Variants in DHTKD1 observed in about 807,000 individuals in gnomAD.
DHTKD1 encodes the protein dehydrogenase E1 and transketolase domain containing 1.
In DHTKD1, 78 loss-of-function variants were observed where a neutral mutation model predicts 101.8. The observed-to-expected ratio is 0.77, with a 90% confidence interval of 0.64 to 0.93. The LOEUF is 0.93. Ranked by LOEUF, DHTKD1 falls within the 40% of genes least tolerant of loss-of-function variation. The pLI is 0.00. For missense variants in DHTKD1, 1,223 were observed against 1,161.7 expected, an observed-to-expected ratio of 1.05 and a Z score of -0.77; for synonymous variants, 462 against 450.3, an observed-to-expected ratio of 1.03 and a Z score of -0.33.
At chr10:12,071,051 A>C (rs1248617079) in intron 1 of DHTKD1, among the ~76,000 whole-genome samples, 1 of 152,140 alleles carries the variant, frequency 6.6e-6, no homozygotes, top group Non-Finnish European at 1.5e-5. Context: ...CTTGGTACCC[A>C]TTGCCTGGCT....
At chr10:12,113,173 G>C in intron 13 of DHTKD1, 109 bp downstream of exon 13, 1 of 1,021,172 alleles carries the variant, frequency 9.8e-7, no homozygotes, top group Middle Eastern at 2.2e-4. Flanking sequence ...CACCTTTTTA[G>C]TTTCAACTGA....
chr10:12,094,051 G>A (rs748633070), intron 6 of DHTKD1, 22 bp from the exon 7 acceptor site: 21 of 1,606,572 alleles, frequency 1.3e-5, no homozygotes, highest in Non-Finnish European at 1.4e-5. Flanking sequence ...GTCCTGTTTC[G>A]GCTTGGTCTT....
At chr10:12,102,422 C>CAAAAAAAA (rs752816882) in intron 10 of DHTKD1, among the ~76,000 whole-genome samples, 1 of 64,836 alleles carries the variant, frequency 1.5e-5, no homozygotes. Flanking sequence ...GACTCTGTCT[C>CAAAAAAAA]AAAAAAAAAA....
At chr10:12,100,287 G>GTTTTTTTTTTTTTTGTTT in intron 9 of DHTKD1, 25 bp downstream of exon 9, 2 of 269,860 alleles carry the variant, frequency 7.4e-6, no homozygotes, top group Non-Finnish European at 1.2e-5. Flanking sequence ...TTTTTTTTCT[G>GTTTTTTTTTTTTTTGTTT]TTTTTTTTTT....
At chr10:12,096,901 CAG>C (rs1210494070) in intron 7 of DHTKD1, among the ~76,000 whole-genome samples, 1 of 152,130 alleles carries the variant, frequency 6.6e-6, no homozygotes, top group Non-Finnish European at 1.5e-5. Flanking sequence ...ATTGGATAGA[CAG>C]TGTGGGTCAG....
chr10:12,079,366 G>A (rs986046038), intron 1 of DHTKD1, among the ~76,000 whole-genome samples: 4 of 152,160 alleles, frequency 2.6e-5, no homozygotes, highest in African/African-American at 9.7e-5. Flanking sequence ...GGAAGAATAT[G>A]TTCTTAAAAG....
At chr10:12,072,377 A>C (rs185626082) in intron 1 of DHTKD1, among the ~76,000 whole-genome samples, 3 of 152,178 alleles carry the variant, frequency 2.0e-5, no homozygotes, top group Non-Finnish European at 4.4e-5. Context: ...CAGGAGAATC[A>C]CTTGAACCTG....
rs71382619 is a variant in DHTKD1 at position 12,091,411 on chromosome 10, C to CAAAAAAAAAAAAAAAAAAAA, written c.988-83_988-82insAAAAAAAAAAAAAAAAAAAA. 7.3e-4 allele frequency: 140 copies of CAAAAAAAAAAAAAAAAAAAA among 193,064 alleles called. 5 individuals carry two copies. The highest frequency in any genetic ancestry group is 5.2e-3 in the African/African-American group (131 of 25,074). The allele number at this position is 193,064 out of a possible 1,614,324, so 12.0% of individuals were successfully genotyped here. On this transcript the variant is annotated intron_variant, in intron 5 of 16. Coordinates refer to ENST00000263035, the MANE Select transcript of DHTKD1 (RefSeq NM_018706.7). ...TGGGCGAAAGAGCAAGACTCTGTCT[C>CAAAAAAAAAAAAAAAAAAAA]AAAAAAAAAAAAAAAAAAAGTTATT... is the stretch of plus-strand genomic sequence containing the variant.
intron 1 of DHTKD1, among the ~76,000 whole-genome samples, chr10:12,078,052 C>T (rs1471258069): frequency 6.6e-6 from 1 of 151,856 alleles, no homozygotes. Context: ...TTCTTTGTGG[C>T]AAGGAGGGTT....
rs1252809346 is a variant in DHTKD1, at chr10:12,100,486, A to C, written c.1756+224A>C. Reference sequence around the variant, plus strand: ...CACTATGTTGGTCAGGCTGGTCTCGAACTCTTGACCTCGTGTTCCACCCGC... The same window carrying C: ...CACTATGTTGGTCAGGCTGGTCTCGCACTCTTGACCTCGTGTTCCACCCGC... On this transcript the variant is annotated intron_variant, in intron 9 of 16. Transcript: ENST00000263035. 3.3e-5 allele frequency among the ~76,000 whole-genome samples: 5 copies of C among 150,346 alleles called. No homozygotes were observed. In the East Asian group the frequency reaches 1.0e-3, roughly 30 times the overall value.
chr10:12,108,112 A>G (rs887594658), intron 12 of DHTKD1, 97 bp downstream of exon 12: 26 of 805,882 alleles, frequency 3.2e-5, no homozygotes, highest in East Asian at 3.1e-4. Flanking sequence ...TAACTGTAAC[A>G]CAGCTTAGTA....
At chr10:12,116,843 G>A (rs1474872688) in intron 13 of DHTKD1, among the ~76,000 whole-genome samples, 1 of 151,072 alleles carries the variant, frequency 6.6e-6, no homozygotes, top group Non-Finnish European at 1.5e-5. Context: ...GGGACTACAG[G>A]CATGCGCTAC....
Position 12,113,050 on chromosome 10 carries a change from T to G in DHTKD1, c.2305T>G (p.Leu769Val). 6.2e-7 allele frequency: 1 copy of G among 1,608,580 alleles called. No individual in the cohort carries two copies. Among genetic ancestry groups the G allele is most frequent in the Non-Finnish European group, 8.5e-7 (1 of 1,177,874 alleles). ...KPLIVASPKM[L>V]LRLPAAVSTL... ...ACTCATTGTTGCTTCCCCTAAGATG[T>G]TACTCAGGCTCCCGGTAAGCAGAAG... The change falls in exon 13 of 17, where the codon TTA becomes GTA. Residue 769 changes from leucine to valine, a missense_variant. Leu to Val is a conservative substitution (Grantham distance 32). Coordinates refer to ENST00000263035, the MANE Select transcript of DHTKD1 (RefSeq NM_018706.7).
intron 1 of DHTKD1, among the ~76,000 whole-genome samples, chr10:12,070,429 T>G (rs1832635288): frequency 6.6e-6 from 1 of 152,160 alleles, no homozygotes; most frequent in Admixed American, 6.6e-5. Flanking sequence ...ACACTAGAAC[T>G]TCAATATTTT....
intron 2 of DHTKD1, among the ~76,000 whole-genome samples, chr10:12,081,982 CTG>C (rs775405233): frequency 1.2e-3 from 184 of 150,384 alleles, no homozygotes; most frequent in Non-Finnish European, 2.2e-3. Flanking sequence ...AAAAAAATAA[CTG>C]GGCATGGTGG....
chr10:12,086,463 C>T (rs1440597530), intron 3 of DHTKD1, among the ~76,000 whole-genome samples: 2 of 151,732 alleles, frequency 1.3e-5, no homozygotes, highest in Non-Finnish European at 2.9e-5. Context: ...TCGTGATTCA[C>T]TCCCATCAGC....
In DHTKD1 at chr10:12,087,430, C is replaced by G. The variant is rs1832919244; in HGVS notation, c.523-105C>G. 11 of 928,460 alleles carry G rather than the reference C, an allele frequency of 1.2e-5. No homozygotes were observed. Among genetic ancestry groups the G allele is most frequent in the Non-Finnish European group, 1.6e-5 (10 of 613,008 alleles). 57.5% of individuals were successfully genotyped at this position (928,460 alleles called of 1,614,324 possible). On this transcript the variant is annotated intron_variant, in intron 3 of 16. Transcript: ENST00000263035. The surrounding 1 kb of genome is among the most constrained non-coding windows in gnomAD (Gnocchi z 5.2). ...TAGTAAAGTGGCATTGCTGTGGCCA[C>G]TTGGGGAGTGTGGGGCCATCTCACA...
At chr10:12,093,092 G>T (rs1833016738) in intron 6 of DHTKD1, among the ~76,000 whole-genome samples, 1 of 147,642 alleles carries the variant, frequency 6.8e-6, no homozygotes, top group Non-Finnish European at 1.5e-5. Flanking sequence ...TGCCCACGCT[G>T]CAGTGCAATG....
intron 1 of DHTKD1, among the ~76,000 whole-genome samples, chr10:12,071,200 G>C (rs373129657): frequency 6.6e-6 from 1 of 152,048 alleles, no homozygotes; most frequent in Non-Finnish European, 1.5e-5. Flanking sequence ...TTCCCCTTAC[G>C]GTCATGACCC....
Sources: allele counts gnomAD v4.1 joint callset (sites outside exome capture counted in the v4.1 genomes callset), GRCh38; gene constraint gnomAD v4.1.1; non-coding constraint Gnocchi (gnomAD v3.1); transcripts MANE v1.5; gene names NCBI Gene and HGNC (gene_info 2026-07-23, HGNC 2026-07-21).